The following GALNT14 variants were observed in gnomAD, a reference collection of about 807,000 sequenced individuals.
The protein encoded by GALNT14 is UDP-GalNAc:polypeptide N-acetylgalactosaminyltransferase 14.
In GALNT14, 60 loss-of-function variants were observed where a neutral mutation model predicts 77.5. That is an observed-to-expected ratio of 0.77 (90% CI 0.63 to 0.96). The LOEUF (loss-of-function observed/expected upper bound fraction) is 0.96, where lower values mean the gene tolerates loss of function less well. Among genes scored for constraint, GALNT14 ranks in the 40% least tolerant of loss-of-function variants. The pLI, the probability that GALNT14 is intolerant of heterozygous loss-of-function variation, is 0.00. For missense variants in GALNT14, 710 were observed against 731.0 expected, an observed-to-expected ratio of 0.97 and a Z score of 0.33; for synonymous variants, 280 against 281.7, an observed-to-expected ratio of 0.99 and a Z score of 0.06.
At chr2:31,131,322 T>G (rs993425839) in intron 1 of GALNT14, among the ~76,000 whole-genome samples, 1 of 152,102 alleles carries the variant, frequency 6.6e-6, no homozygotes, top group African/African-American at 2.4e-5. Flanking sequence ...TACAGGCAAG[T>G]GGCAGGGGCC....
At chr2:30,918,608 G>C (rs1331687805) in intron 13 of GALNT14, among the ~76,000 whole-genome samples, 1 of 152,138 alleles carries the variant, frequency 6.6e-6, no homozygotes, top group Non-Finnish European at 1.5e-5. Flanking sequence ...CAAAGCACAG[G>C]AAGGAAGGGT....
At chr2:31,077,830 G>A (rs1358164111) in intron 1 of GALNT14, among the ~76,000 whole-genome samples, 5 of 152,176 alleles carry the variant, frequency 3.3e-5, no homozygotes, top group African/African-American at 4.8e-5. Context: ...TTTCCATTGC[G>A]TGTGCATAGC....
chr2:30,993,050 C>T, intron 1 of GALNT14, 43 bp from the exon 2 acceptor site: 3 of 1,598,710 alleles, frequency 1.9e-6, no homozygotes, highest in South Asian at 2.2e-5. Context: ...GGCTCCCTGT[C>T]CTCCACTAGC....
At chr2:31,072,017 G>A (rs1006509865) in intron 1 of GALNT14, among the ~76,000 whole-genome samples, 2 of 152,144 alleles carry the variant, frequency 1.3e-5, no homozygotes, top group Non-Finnish European at 2.9e-5. Context: ...GGCCACCCAC[G>A]TGTGGGAGAA....
intron 1 of GALNT14, among the ~76,000 whole-genome samples, chr2:31,068,209 GGGTGCAAT>G (rs1675108803): frequency 6.6e-6 from 1 of 152,144 alleles, no homozygotes; most frequent in African/African-American, 2.4e-5. Flanking sequence ...ATAATTGGCT[GGGTGCAAT>G]GGTTCACATC....
chr2:31,025,407 G>A (rs1316171716), intron 1 of GALNT14, among the ~76,000 whole-genome samples: 5 of 152,162 alleles, frequency 3.3e-5, no homozygotes, highest in Non-Finnish European at 5.9e-5. Context: ...AGAGAGAGAC[G>A]GGTAGAGGCA....
chr2:31,061,666 A>C (rs1308947601), intron 1 of GALNT14, among the ~76,000 whole-genome samples: 1 of 146,742 alleles, frequency 6.8e-6, no homozygotes, highest in Non-Finnish European at 1.5e-5. Flanking sequence ...TTCCCTAAGA[A>C]ACCTGATACT....
At chr2:30,907,479 C>T (rs1031782080), downstream of GALNT14, among the ~76,000 whole-genome samples, 20 of 152,222 alleles carry the variant, frequency 1.3e-4, no homozygotes, top group African/African-American at 3.1e-4. Context: ...ATAAATTCCT[C>T]GACACATACA....
chr2:31,115,346 T>G (rs988132948), intron 1 of GALNT14, among the ~76,000 whole-genome samples: 3 of 152,148 alleles, frequency 2.0e-5, no homozygotes, highest in Non-Finnish European at 2.9e-5. Flanking sequence ...CCTGTCTAAT[T>G]TGTAGAATAT....
At chr2:31,095,205 A>G (rs1475382603) in intron 1 of GALNT14, among the ~76,000 whole-genome samples, 1 of 152,182 alleles carries the variant, frequency 6.6e-6, no homozygotes, top group Non-Finnish European at 1.5e-5. Flanking sequence ...TTGTTGTTGG[A>G]TATCTTAATG....
chr2:31,063,793 C>G (rs1674757211), intron 1 of GALNT14, among the ~76,000 whole-genome samples: 1 of 152,096 alleles, frequency 6.6e-6, no homozygotes, highest in Non-Finnish European at 1.5e-5. Context: ...AAGTTGTATT[C>G]CGAGGTATTC....
intron 1 of GALNT14, among the ~76,000 whole-genome samples, chr2:31,110,655 C>T (rs544827452): frequency 1.4e-4 from 22 of 152,276 alleles, no homozygotes; most frequent in Non-Finnish European, 2.8e-4. Context: ...ACACGGCATG[C>T]TTGGTTCTTG....
chr2:31,137,597 CCCGA>C (rs983263158), intron 1 of GALNT14, among the ~76,000 whole-genome samples: 9 of 152,004 alleles, frequency 5.9e-5, no homozygotes, highest in African/African-American at 1.4e-4. Context: ...GCTGGCCCGA[CCCGA>C]CCGCCGGCGA....
intron 12 of GALNT14, 144 bp from the exon 13 acceptor site, chr2:30,924,407 G>C (rs1665231375): frequency 1.2e-6 from 1 of 843,152 alleles, no homozygotes. Context: ...AGGGCAGGGT[G>C]CCACTAAGAA....
At chr2:30,897,615 A>G in the GALNT14 span, among the ~76,000 whole-genome samples, 1 of 152,200 alleles carries the variant, frequency 6.6e-6, no homozygotes, top group African/African-American at 2.4e-5. Flanking sequence ...CCCCGCCTCC[A>G]GGTCCTTTTG....
At chr2:31,134,316 T>G (rs1679126152) in intron 1 of GALNT14, among the ~76,000 whole-genome samples, 1 of 152,178 alleles carries the variant, frequency 6.6e-6, no homozygotes, top group Non-Finnish European at 1.5e-5. Context: ...GCTGACTCCC[T>G]CACCCATGCT....
chr2:30,971,017 G>T (rs1486091888), intron 2 of GALNT14, among the ~76,000 whole-genome samples: 1 of 152,140 alleles, frequency 6.6e-6, no homozygotes, highest in East Asian at 1.9e-4. Context: ...GTCTCCCTGT[G>T]AACTCACCGG....
Position 31,089,470 on chromosome 2 carries a change from G to C in GALNT14, c.129+48488C>G, listed in dbSNP as rs1157209140. 2.0e-5 allele frequency among the ~76,000 whole-genome samples: 3 copies of C among 152,176 alleles called. No individual in the cohort carries two copies. In the East Asian group the frequency reaches 5.8e-4, roughly 29 times the overall value. ...GGCCACAGAAAATCAGGGAAGACCA[G>C]CTGCTAAGGGGTTAGCCAGCAGAAC... On this transcript the variant is annotated intron_variant, in intron 1 of 14. Transcript: ENST00000349752.
At chr2:30,963,369 A>G (rs1468093500) in intron 3 of GALNT14, among the ~76,000 whole-genome samples, 2 of 152,238 alleles carry the variant, frequency 1.3e-5, no homozygotes, top group African/African-American at 4.8e-5. Context: ...TGAGGCTCCA[A>G]CTGGAGTGAG....
Sources: gnomAD v4.1 joint callset for allele counts (sites outside exome capture counted in the v4.1 genomes callset) on GRCh38, gnomAD v4.1.1 for gene constraint, MANE v1.5 for transcripts, NCBI Gene and HGNC (gene_info 2026-07-23, HGNC 2026-07-21) for gene names.